E2F7: variants seen among roughly 807,000 people sequenced by gnomAD.
The protein encoded by E2F7 is E2F transcription factor 7.
E2F7 carries 35 observed loss-of-function variants against 81.1 expected under a neutral mutation model. That is an observed-to-expected ratio of 0.43 (90% CI 0.33 to 0.57). E2F7 has a LOEUF of 0.57. E2F7 is among the 20% of genes least tolerant of loss of function. The pLI, the probability that E2F7 is intolerant of heterozygous loss-of-function variation, is 0.04. For missense variants in E2F7, 961 were observed against 1,093.7 expected, an observed-to-expected ratio of 0.88 and a Z score of 1.71; for synonymous variants, 416 against 416.2, an observed-to-expected ratio of 1.00 and a Z score of 0.01.
chr12:77,027,644 T>A (rs1259529024), intron 11 of E2F7, among the ~76,000 whole-genome samples: 2 of 152,196 alleles, frequency 1.3e-5, no homozygotes, highest in Non-Finnish European at 2.9e-5. Flanking sequence ...CCAAATAATG[T>A]TTAATGTATT....
At chr12:77,036,092 G>A (rs141724786) in intron 7 of E2F7, among the ~76,000 whole-genome samples, 219 of 132,330 alleles carry the variant, frequency 1.7e-3, no homozygotes, top group Middle Eastern at 0.011. Flanking sequence ...GTAAAAATAG[G>A]AGGGGACAGG....
Position 77,025,599 on chromosome 12 carries a change from C to T in E2F7, c.2524G>A (p.Val842Ile), listed in dbSNP as rs1403523247. 5.0e-6 allele frequency: 8 copies of T among 1,614,168 alleles called. No individual in the cohort carries two copies. The highest frequency in any genetic ancestry group is 2.2e-5 in the East Asian group (1 of 44,880). Residue 842 changes from valine to isoleucine, a missense_variant, in exon 12 of 13, where the codon GTT (valine) becomes ATT (isoleucine). Val to Ile is a conservative substitution (Grantham distance 29, BLOSUM62 3). Coordinates refer to ENST00000322886, the MANE Select transcript of E2F7 (RefSeq NM_203394.3). ...HSVVQQPESP[V>I]YVGHPVSVVK... ...ACTGAGACTGGATGTCCCACGTAAA[C>T]GGGGGACTCAGGTTGTTGGACGACA...
At position 77,022,661 on chromosome 12, in the gene E2F7, G is replaced by A. The variant is rs533893231; in HGVS notation, c.*1354C>T. 1 of 152,514 alleles carries A rather than the reference G, an allele frequency of 6.6e-6. No individual in the cohort carries two copies. Among genetic ancestry groups the A allele is most frequent in the African/African-American group, 2.4e-5 (1 of 41,422 alleles). 9.4% of individuals were successfully genotyped at this position (152,514 alleles called of 1,614,324 possible). ...AAGTAGGAAGGAGGGAAGGAAGAGA[G>A]AATGAAGGAAAGTAGGAAGGAAAGA... On this transcript the variant is annotated 3_prime_UTR_variant, in exon 13 of 13. Transcript: ENST00000322886.
intron 2 of E2F7, among the ~76,000 whole-genome samples, chr12:77,057,859 C>T (rs914205742): frequency 1.4e-4 from 21 of 152,164 alleles, no homozygotes; most frequent in African/African-American, 4.8e-4. Flanking sequence ...GATGAGTTCT[C>T]AGTCACTCCT....
chr12:77,065,115 ACTT>A (rs1221011584), intron 1 of E2F7, among the ~76,000 whole-genome samples: 1 of 152,074 alleles, frequency 6.6e-6, no homozygotes, highest in African/African-American at 2.4e-5. Flanking sequence ...CCCCAAATAA[ACTT>A]CTCCAATGAA....
Position 77,028,058 on chromosome 12 carries a change from C to T in E2F7, c.1965G>A (p.Val655=). ...RASIPLKDIH[V]NGQLPAAEEI... ...CTTCTGCAGCAGGGAGTTGGCCATT[C>T]ACATGAATGTCTTTGAGGGGTATAG... Residue 655 remains valine (V), a synonymous_variant, in exon 11 of 13, where the codon GTG becomes GTA. Transcript: ENST00000322886. 1.9e-6 allele frequency: 3 copies of T among 1,614,196 alleles called. No homozygotes were observed. In the South Asian group the frequency reaches 3.3e-5, roughly 18 times the overall value.
Position 77,033,042 on chromosome 12 carries a change from C to A in E2F7, c.1382+8G>T. The A allele has an allele frequency of 6.2e-7, 1 of 1,611,884 alleles. No individual in the cohort carries two copies. The highest frequency in any genetic ancestry group is 1.1e-5 in the South Asian group (1 of 90,590). ...AGAATACACTCTGAGCTTTTATAGA[C>A]TACTTACTGTGAATTGTCTTCTATT... is the stretch of plus-strand genomic sequence containing the variant. On this transcript the variant is annotated splice_region_variant and intron_variant, in intron 9 of 12. Transcript: ENST00000322886.
At chr12:77,060,226 A>G (rs190827395) in intron 2 of E2F7, among the ~76,000 whole-genome samples, 1,982 of 152,182 alleles carry the variant, frequency 0.013, 54 homozygotes, top group African/African-American at 0.045. Context: ...CACTCCCTCC[A>G]TTAGAGTGTC....
At chr12:77,054,790 ATACT>A (rs1453431227) in intron 3 of E2F7, among the ~76,000 whole-genome samples, 1 of 152,178 alleles carries the variant, frequency 6.6e-6, no homozygotes, top group East Asian at 1.9e-4. Context: ...AAAAAATCTA[ATACT>A]TACATGCCTT....
At chr12:77,025,480 A>G in intron 12 of E2F7, 78 bp downstream of exon 12, 8 of 1,520,788 alleles carry the variant, frequency 5.3e-6, no homozygotes, top group Non-Finnish European at 7.2e-6. Flanking sequence ...TCCGGCAGTC[A>G]TGTGGCTAAA....
chr12:77,026,735 C>T (rs1362233038), intron 11 of E2F7, among the ~76,000 whole-genome samples: 1 of 152,156 alleles, frequency 6.6e-6, no homozygotes, highest in Non-Finnish European at 1.5e-5. Flanking sequence ...TACATTAAAC[C>T]TATTACAGAT....
intron 3 of E2F7, among the ~76,000 whole-genome samples, chr12:77,051,198 A>G (rs1253468170): frequency 6.6e-6 from 1 of 152,186 alleles, no homozygotes; most frequent in Non-Finnish European, 1.5e-5. Flanking sequence ...TTTATATTTT[A>G]CAATCGACCA....
Position 77,028,033 on chromosome 12 carries a change from C to T in E2F7, c.1990G>A (p.Glu664Lys). ...HVNGQLPAAE[E>K]ISGKATANSL... The stretch of plus-strand genomic sequence containing the variant: ...TTTGCTGTTGCCTTTCCTGAAATCT[C>T]TTCTGCAGCAGGGAGTTGGCCATTC... Residue 664 changes from glutamate (E) to lysine (K), a missense_variant, in exon 11 of 13, where the codon GAG becomes AAG. Physicochemically the swap from Glu to Lys is moderately conservative, Grantham distance 56. Coordinates refer to ENST00000322886, the MANE Select transcript of E2F7 (RefSeq NM_203394.3). 2.5e-6 allele frequency: 4 copies of T among 1,614,208 alleles called. No individual in the cohort carries two copies. The highest frequency in any genetic ancestry group is 3.4e-6 in the Non-Finnish European group (4 of 1,180,034).
At chr12:77,039,070 T>C (rs188597834) in intron 7 of E2F7, among the ~76,000 whole-genome samples, 102 of 152,280 alleles carry the variant, frequency 6.7e-4, no homozygotes, top group Non-Finnish European at 1.1e-3. Flanking sequence ...ACCATACATA[T>C]ATGTCGTCAA....
chr12:77,033,795 C>A, intron 8 of E2F7, 62 bp downstream of exon 8: 1 of 1,458,710 alleles, frequency 6.9e-7, no homozygotes, highest in Non-Finnish European at 9.1e-7. Flanking sequence ...GGGTGCTGCA[C>A]TGGCATGGGC....
chr12:77,024,335 TC>T (rs1954741268), intron 12 of E2F7, 150 bp from the exon 13 acceptor site: 1 of 814,048 alleles, frequency 1.2e-6, no homozygotes, highest in African/African-American at 1.8e-5. Context: ...CCCGTTTGTC[TC>T]CCCTGCTTAC....
rs922696809 is a variant in E2F7, at chr12:77,056,223, A to T, written c.94-93T>A. The T allele has an allele frequency of 2.3e-6, 3 of 1,285,936 alleles. No homozygotes were observed. The African/African-American group carries it at 4.5e-5, about 19-fold the overall frequency. 79.7% of individuals were successfully genotyped at this position (1,285,936 alleles called of 1,614,324 possible). A position where few individuals can be genotyped will look rare whatever the true frequency, so the allele number is the denominator to read the frequency against. On this transcript the variant is annotated intron_variant, in intron 2 of 12. Coordinates refer to ENST00000322886, the MANE Select transcript of E2F7 (RefSeq NM_203394.3). Reference sequence around the variant, plus strand: ...TCCCACCATTCACTAAGACTTGAAAATACAAATAGGACCATATGTTTAGGG... The same window carrying T: ...TCCCACCATTCACTAAGACTTGAAATTACAAATAGGACCATATGTTTAGGG...
At chr12:77,024,949 A>G (rs1257341180) in intron 12 of E2F7, among the ~76,000 whole-genome samples, 3 of 152,216 alleles carry the variant, frequency 2.0e-5, no homozygotes, top group Non-Finnish European at 4.4e-5. Context: ...TTGAACTACA[A>G]ATGGAGGTTG....
At chr12:77,040,694 G>A (rs552607614) in intron 7 of E2F7, among the ~76,000 whole-genome samples, 1 of 152,148 alleles carries the variant, frequency 6.6e-6, no homozygotes. Context: ...TGGGAGTGGG[G>A]ACCAGGAGGG....
Sources: gnomAD v4.1 joint callset for allele counts (sites outside exome capture counted in the v4.1 genomes callset) on GRCh38, gnomAD v4.1.1 for gene constraint, MANE v1.5 for transcripts, NCBI Gene and HGNC (gene_info 2026-07-23, HGNC 2026-07-21) for gene names.